COL13A1: variants seen among roughly 807,000 people sequenced by gnomAD.
The protein encoded by COL13A1 is collagen alpha-1(XIII) chain.
A neutral mutation model predicts 130.9 loss-of-function variants in COL13A1; 89 were observed. That is an observed-to-expected ratio of 0.68 (90% CI 0.57 to 0.81). The LOEUF is 0.81. COL13A1 is among the 30% of genes least tolerant of loss of function. The pLI is 0.00. For synonymous variants in COL13A1, 402 were observed against 341.6 expected (o/e 1.18, Z -1.95); for missense variants, 879 against 934.6 (o/e 0.94, Z 0.78).
intron 3 of COL13A1, among the ~76,000 whole-genome samples, chr10:69,868,371 C>T (rs2058738352): frequency 6.6e-6 from 1 of 152,172 alleles, no homozygotes; most frequent in Non-Finnish European, 1.5e-5. Flanking sequence ...GGAGACAGCA[C>T]ATAAATTATA....
At chr10:69,817,700 G>C (rs1484276556) in intron 1 of COL13A1, among the ~76,000 whole-genome samples, 1 of 151,998 alleles carries the variant, frequency 6.6e-6, no homozygotes, top group Non-Finnish European at 1.5e-5. Flanking sequence ...CAGACAGGGG[G>C]TGGTGATAAT....
chr10:69,948,539 G>A (rs185109933), intron 38 of COL13A1, among the ~76,000 whole-genome samples: 10 of 152,340 alleles, frequency 6.6e-5, no homozygotes, highest in East Asian at 5.8e-4. Context: ...CTCTAAGCAC[G>A]CTGGGAAGGA....
chr10:69,820,463 G>C (rs546969307), intron 1 of COL13A1, among the ~76,000 whole-genome samples: 13 of 152,250 alleles, frequency 8.5e-5, no homozygotes, highest in Non-Finnish European at 1.6e-4. Context: ...AGGCCCCCAG[G>C]TGATTGGTGG....
intron 2 of COL13A1, among the ~76,000 whole-genome samples, chr10:69,850,145 G>A (rs1291228931): frequency 1.3e-5 from 2 of 152,002 alleles, no homozygotes; most frequent in Admixed American, 6.6e-5. Context: ...AAAGGCAGAC[G>A]AGATCCAAAT....
At chr10:69,851,345 G>A (rs77131723) in intron 2 of COL13A1, among the ~76,000 whole-genome samples, 4,872 of 152,252 alleles carry the variant, frequency 0.032, 81 homozygotes, top group African/African-American at 0.04. Flanking sequence ...CACCCCAAAG[G>A]TTTCCCAGTG....
chr10:69,902,434 T>C (rs2062281961), intron 14 of COL13A1, among the ~76,000 whole-genome samples: 1 of 152,140 alleles, frequency 6.6e-6, no homozygotes, highest in Non-Finnish European at 1.5e-5. Context: ...AGGCCTTTGG[T>C]TGGGCCAGGG....
intron 2 of COL13A1, among the ~76,000 whole-genome samples, chr10:69,828,925 T>C (rs1225893886): frequency 1.3e-5 from 2 of 152,218 alleles, no homozygotes; most frequent in Non-Finnish European, 2.9e-5. Flanking sequence ...GAGCAGCATG[T>C]AGTATGAGTC....
chr10:69,887,613 C>A, intron 8 of COL13A1, 122 bp downstream of exon 8: 1 of 1,035,708 alleles, frequency 9.7e-7, no homozygotes, highest in Non-Finnish European at 1.4e-6. Flanking sequence ...TCATTAAGGA[C>A]TTGCTTCTAC....
intron 2 of COL13A1, among the ~76,000 whole-genome samples, chr10:69,849,686 C>T (rs185856581): frequency 9.2e-5 from 14 of 152,300 alleles, no homozygotes; most frequent in Admixed American, 2.6e-4. Context: ...ACTGTCTTCC[C>T]AGCCTGCCTC....
At chr10:69,898,615 C>T (rs2061889523) in intron 13 of COL13A1, 82 bp from the exon 14 acceptor site, 1 of 1,259,268 alleles carries the variant, frequency 7.9e-7, no homozygotes, top group Non-Finnish European at 1.1e-6. Context: ...GCCCTGCCCT[C>T]CTGGTGACTT....
intron 1 of COL13A1, among the ~76,000 whole-genome samples, chr10:69,820,782 C>T (rs542149546): frequency 1.4e-4 from 21 of 152,268 alleles, no homozygotes; most frequent in African/African-American, 5.1e-4. Flanking sequence ...GTGTTCCCTC[C>T]CCAGGCATTT....
At chr10:69,818,596 G>T (rs1845221555) in intron 1 of COL13A1, among the ~76,000 whole-genome samples, 2 of 152,232 alleles carry the variant, frequency 1.3e-5, no homozygotes, top group Non-Finnish European at 2.9e-5. Context: ...GCCCAGGAAA[G>T]CCAGTGGTGT....
chr10:69,831,025 C>T (rs749601764), intron 2 of COL13A1, among the ~76,000 whole-genome samples: 1 of 152,070 alleles, frequency 6.6e-6, no homozygotes, highest in African/African-American at 2.4e-5. Flanking sequence ...CTTTTTATTG[C>T]CAAATAATAC....
intron 2 of COL13A1, 31 bp downstream of exon 2, chr10:69,822,469 A>T (rs921996445): frequency 1.4e-5 from 21 of 1,547,182 alleles, no homozygotes; most frequent in Non-Finnish European, 1.7e-5. Flanking sequence ...GTGACCGCGG[A>T]TGTTCCTAAG....
intron 34 of COL13A1, among the ~76,000 whole-genome samples, chr10:69,940,178 A>G (rs1224299042): frequency 7.3e-6 from 1 of 136,686 alleles, no homozygotes; most frequent in Non-Finnish European, 1.6e-5. Flanking sequence ...ACTGGACAAG[A>G]GCAAGTAAGG....
intron 35 of COL13A1, among the ~76,000 whole-genome samples, chr10:69,943,513 C>T (rs969028198): frequency 5.3e-5 from 8 of 152,216 alleles, no homozygotes; most frequent in South Asian, 2.1e-4. Flanking sequence ...GCTCATGACA[C>T]GCCTCCCTGC....
intron 23 of COL13A1, among the ~76,000 whole-genome samples, 158 bp downstream of exon 23, chr10:69,922,952 G>A (rs1203779928): frequency 6.6e-6 from 1 of 152,212 alleles, no homozygotes; most frequent in Non-Finnish European, 1.5e-5. Flanking sequence ...AAGGCCATTT[G>A]GACCCAGCTC....
intron 26 of COL13A1, 112 bp from the exon 27 acceptor site, chr10:69,926,975 C>T (rs1314289005): frequency 1.4e-6 from 2 of 1,463,904 alleles, no homozygotes; most frequent in Admixed American, 3.4e-5. Context: ...TCTCCCTCCA[C>T]CCACGCTCCT....
At chr10:69,863,129 C>T (rs1338521702) in intron 2 of COL13A1, among the ~76,000 whole-genome samples, 3 of 152,072 alleles carry the variant, frequency 2.0e-5, no homozygotes, top group African/African-American at 4.8e-5. Flanking sequence ...ATCCTTAGCA[C>T]GATTCACACG....
Sources: allele counts gnomAD v4.1 joint callset (sites outside exome capture counted in the v4.1 genomes callset), GRCh38; gene constraint gnomAD v4.1.1; transcripts MANE v1.5; gene names NCBI Gene and HGNC (gene_info 2026-07-23, HGNC 2026-07-21).